FCRL4: variants seen among roughly 807,000 people sequenced by gnomAD.
The protein encoded by FCRL4 is Fc receptor-like protein 4.
A neutral mutation model predicts 64.1 loss-of-function variants in FCRL4; 43 were observed. The observed-to-expected ratio is 0.67, with a 90% CI of 0.53 to 0.87. The LOEUF (loss-of-function observed/expected upper bound fraction) is 0.87. Ranked by LOEUF, FCRL4 falls within the 40% of genes least tolerant of loss-of-function variation. FCRL4 has a pLI of 0.00. For missense variants in FCRL4, 656 were observed against 613.5 expected, an observed-to-expected ratio of 1.07 and a Z score of -0.73; for synonymous variants, 253 against 239.8, an observed-to-expected ratio of 1.05 and a Z score of -0.51.
chr1:157,579,928 G>T (rs902263187), intron 8 of FCRL4, among the ~76,000 whole-genome samples: 4 of 150,188 alleles, frequency 2.7e-5, no homozygotes, highest in African/African-American at 1.0e-4. Context: ...GGTGCAAAAA[G>T]AAGATTATTA....
At chr1:157,590,061 T>C (rs890218256) in intron 2 of FCRL4, among the ~76,000 whole-genome samples, 1 of 152,222 alleles carries the variant, frequency 6.6e-6, no homozygotes, top group Non-Finnish European at 1.5e-5. Flanking sequence ...AGGAAGACTC[T>C]TGACAACTTT....
intron 6 of FCRL4, 124 bp from the exon 7 acceptor site, chr1:157,581,768 A>C (rs1043563052): frequency 2.8e-6 from 2 of 712,930 alleles, no homozygotes; most frequent in African/African-American, 3.6e-5. Context: ...AGGTCTCATA[A>C]AGACATCTTG....
At chr1:157,596,666 A>G (rs990024079) in intron 1 of FCRL4, among the ~76,000 whole-genome samples, 4 of 152,344 alleles carry the variant, frequency 2.6e-5, no homozygotes, top group South Asian at 2.1e-4. Flanking sequence ...TAAGGTTTCA[A>G]TTAATGGCTG....
In FCRL4 at chr1:157,587,382, C is replaced by G; in HGVS notation, c.741G>C (p.Gln247His). 6.2e-7 allele frequency: 1 copy of G among 1,614,236 alleles called. No homozygotes were observed. Among genetic ancestry groups the G allele is most frequent in the Non-Finnish European group, 8.5e-7 (1 of 1,180,044 alleles). ...AGTTTTCTCTCCAGACGGTTGGGAG[C>G]TGGAGTTCCGGGTACGTGCTCCAGT... is the stretch of plus-strand genomic sequence containing the variant. The part of the protein sequence containing the change: ...LSDWSTYPEL[Q>H]LPTVWRENSG... Residue 247 changes from glutamine (Q) to histidine (H), a missense_variant, in exon 5 of 12, where the codon CAG becomes CAC. Coordinates refer to ENST00000271532, the MANE Select transcript of FCRL4 (RefSeq NM_031282.3).
chr1:157,594,120 C>A (rs967742103), intron 2 of FCRL4, among the ~76,000 whole-genome samples: 21 of 152,296 alleles, frequency 1.4e-4, no homozygotes, highest in African/African-American at 4.8e-4. Context: ...AAGGAGAAAT[C>A]TATAATAGGG....
chr1:157,580,753 C>T (rs549190761), intron 7 of FCRL4, among the ~76,000 whole-genome samples: 37 of 152,302 alleles, frequency 2.4e-4, no homozygotes, highest in Non-Finnish European at 1.2e-4. Flanking sequence ...CCAAAGCTCC[C>T]TACCTCCAGT....
At chr1:157,578,403 G>T in intron 10 of FCRL4, 71 bp downstream of exon 10, 1 of 1,225,758 alleles carries the variant, frequency 8.2e-7, no homozygotes, top group South Asian at 1.2e-5. Flanking sequence ...TAGCACATAG[G>T]AGGTGCTCAG....
rs772089801 is a variant in FCRL4 at position 157,578,829 on chromosome 1, C to A, written c.1301G>T (p.Gly434Val). 2.2e-5 allele frequency: 36 copies of A among 1,613,488 alleles called. No individual in the cohort carries two copies. The East Asian group carries it at 7.6e-4, about 34-fold the overall frequency. ...AGGGCAGATGGAATGGGAGGACTCT[C>A]CTGGGCCTGGAGCGGGAGGGAGCCT... Reference protein sequence around the residue: ...ETRLPPAPGPGESSHSICPAQ... With the variant: ...ETRLPPAPGPVESSHSICPAQ... The change falls in exon 9 of 12, where the codon GGA becomes GTA. Residue 434 changes from glycine to valine, a missense_variant. Gly to Val is a moderately radical substitution (Grantham distance 109). Transcript: ENST00000271532.
chr1:157,593,693 A>G (rs1652889537), intron 2 of FCRL4, among the ~76,000 whole-genome samples: 1 of 152,084 alleles, frequency 6.6e-6, no homozygotes. Flanking sequence ...TACTTTCTCT[A>G]CTACCGTTGT....
intron 2 of FCRL4, among the ~76,000 whole-genome samples, chr1:157,591,382 C>A (rs1026362170): frequency 1.3e-5 from 2 of 152,012 alleles, no homozygotes; most frequent in African/African-American, 4.8e-5. Flanking sequence ...TTTCTTTAAA[C>A]CTAACATAGA....
At chr1:157,575,815 G>A in intron 10 of FCRL4, 85 bp from the exon 11 acceptor site, 1 of 1,300,954 alleles carries the variant, frequency 7.7e-7, no homozygotes, top group South Asian at 1.2e-5. Context: ...TAGAGTCTGA[G>A]AGCCACTGGG....
At chr1:157,587,219 T>G in intron 5 of FCRL4, 57 bp downstream of exon 5, 1 of 1,582,422 alleles carries the variant, frequency 6.3e-7, no homozygotes, top group Non-Finnish European at 8.6e-7. Flanking sequence ...TCCCCATGCC[T>G]ACAGAGCCCA....
At chr1:157,579,590 G>T (rs369819420) in intron 8 of FCRL4, among the ~76,000 whole-genome samples, 1 of 151,880 alleles carries the variant, frequency 6.6e-6, no homozygotes, top group African/African-American at 2.4e-5. Flanking sequence ...GGTGGCTCAT[G>T]CCTGTAATCC....
intron 2 of FCRL4, among the ~76,000 whole-genome samples, chr1:157,595,694 A>G (rs543159448): frequency 6.6e-6 from 1 of 152,364 alleles, no homozygotes; most frequent in South Asian, 2.1e-4. Flanking sequence ...GAAGAACAGC[A>G]GAGTTAGGAG....
chr1:157,593,891 G>A (rs910926670), intron 2 of FCRL4, among the ~76,000 whole-genome samples: 3 of 152,064 alleles, frequency 2.0e-5, no homozygotes, highest in Admixed American at 6.5e-5. Context: ...TCACTCAAAC[G>A]TCCTTACCAA....
At position 157,585,336 on chromosome 1, in the gene FCRL4, T is replaced by TTCTCTCTC. The variant is rs751051677; in HGVS notation, c.1135+824_1135+831dup. ...TTTCCTTCCTTCCTTCTCTCTTTCT[T>TTCTCTCTC]TCTCTCTCTCTTTCTTTCTTTCTTT... On this transcript the variant is annotated intron_variant, in intron 6 of 11. Transcript: ENST00000271532. Among the ~76,000 whole-genome samples the TTCTCTCTC allele has an allele frequency of 3.9e-4, 50 of 129,792 alleles. 2 individuals carry two copies. The highest frequency in any genetic ancestry group is 8.1e-4 in the South Asian group (3 of 3,694). The allele number at this position is 129,792 out of a possible 152,430, so 85.1% of individuals were successfully genotyped here.
At chr1:157,596,121 C>G (rs752909173) in intron 2 of FCRL4, among the ~76,000 whole-genome samples, 1 of 152,156 alleles carries the variant, frequency 6.6e-6, no homozygotes, top group African/African-American at 2.4e-5. Context: ...GTTTAGCCAG[C>G]ACAATGGCAG....
Position 157,575,732 on chromosome 1 carries a change from T to C in FCRL4, c.1430-2A>G, listed in dbSNP as rs1183386284. 5.0e-6 allele frequency: 8 copies of C among 1,613,588 alleles called. No individual in the cohort carries two copies. In the Admixed American group the frequency reaches 1.3e-4, roughly 27 times the overall value. On this transcript the variant is annotated splice_acceptor_variant, in intron 10 of 11. Coordinates refer to ENST00000271532, the MANE Select transcript of FCRL4 (RefSeq NM_031282.3). LOFTEE classifies it high-confidence loss of function. The stretch of plus-strand genomic sequence containing the variant: ...CTAGAAGTGTCCTGGAGGTATTAGC[T>C]GTGGACAGAAAGAGAATCACTGGAC...
At chr1:157,597,455 C>T (rs1652991266) in intron 1 of FCRL4, among the ~76,000 whole-genome samples, 2 of 152,198 alleles carry the variant, frequency 1.3e-5, no homozygotes, top group South Asian at 4.1e-4. Flanking sequence ...CTCTTCTCTT[C>T]TCATGCTCTT....
Sources: gnomAD v4.1 joint callset for allele counts (sites outside exome capture counted in the v4.1 genomes callset) on GRCh38, gnomAD v4.1.1 for gene constraint, MANE v1.5 for transcripts, NCBI Gene and HGNC (gene_info 2026-07-23, HGNC 2026-07-21) for gene names.